CCDC178: variants seen among roughly 807,000 people sequenced by gnomAD.
CCDC178 encodes coiled-coil domain-containing protein 178.
Under a neutral mutation model 117.4 loss-of-function variants are expected in CCDC178, and 126 were observed. The observed-to-expected ratio is 1.07, with a 90% CI of 0.93 to 1.24. CCDC178 has a LOEUF of 1.24. Among genes scored for constraint, CCDC178 ranks in the 50% most tolerant of loss-of-function variants. The probability of loss-of-function intolerance (pLI) is 0.00; values close to 1 mark genes in which losing one functional copy is unlikely to be tolerated. For synonymous variants in CCDC178, 283 were observed against 313.4 expected (o/e 0.90, Z 1.02); for missense variants, 1,030 against 986.9 (o/e 1.04, Z -0.59).
rs754051988 is a variant in CCDC178, at chr18:33,077,118, C to T, written c.2388+15643G>A. Among the ~76,000 whole-genome samples, 116 of 152,244 alleles carry T rather than the reference C, an allele frequency of 7.6e-4. 1 individual carries two copies. The Middle Eastern group carries it at 0.02, about 27-fold the overall frequency. On this transcript the variant is annotated intron_variant, in intron 21 of 22. Transcript: ENST00000383096. ...TTCATGCCCAATATCACAGGTATTA[C>T]AAGATATTTATAATTGAAATACTTT... is the stretch of plus-strand genomic sequence containing the variant.
chr18:33,260,586 CT>C (rs2059732795), intron 14 of CCDC178, among the ~76,000 whole-genome samples: 1 of 151,500 alleles, frequency 6.6e-6, no homozygotes, highest in African/African-American at 2.4e-5. Flanking sequence ...TTTTCTCTGT[CT>C]TAATGGAATG....
At chr18:33,377,880 G>T (rs1337184235) in intron 5 of CCDC178, among the ~76,000 whole-genome samples, 1 of 152,090 alleles carries the variant, frequency 6.6e-6, no homozygotes, top group Admixed American at 6.6e-5. Flanking sequence ...GTACAATGAT[G>T]CCTCCAGCTT....
chr18:33,381,345 G>T (rs1328350161), intron 5 of CCDC178, among the ~76,000 whole-genome samples: 1 of 152,040 alleles, frequency 6.6e-6, no homozygotes, highest in East Asian at 1.9e-4. Context: ...CTCAGACTTT[G>T]TAAGCAAAGA....
intron 11 of CCDC178, among the ~76,000 whole-genome samples, chr18:33,299,956 G>A (rs888619181): frequency 6.6e-6 from 1 of 152,160 alleles, no homozygotes; most frequent in African/African-American, 2.4e-5. Context: ...TGTTGATATA[G>A]GTTGGATATT....
At chr18:33,406,580 T>C (rs72942646) in intron 3 of CCDC178, among the ~76,000 whole-genome samples, 17,776 of 152,002 alleles carry the variant, frequency 0.12, 1,218 homozygotes, top group East Asian at 0.19. Context: ...CTAATAAAGA[T>C]TGAAAGGATA....
intron 5 of CCDC178, among the ~76,000 whole-genome samples, chr18:33,371,784 TACACACAC>T (rs146013235): frequency 0.094 from 13,561 of 144,274 alleles, 789 homozygotes; most frequent in Non-Finnish European, 0.14. Context: ...TAAACATATA[TACACACAC>T]ACACACACAC....
intron 20 of CCDC178, among the ~76,000 whole-genome samples, chr18:33,095,757 C>T (rs992288474): frequency 2.0e-5 from 3 of 151,554 alleles, no homozygotes; most frequent in Non-Finnish European, 4.4e-5. Flanking sequence ...TGATACTGTA[C>T]TACTTGAGAG....
intron 21 of CCDC178, among the ~76,000 whole-genome samples, chr18:33,018,851 A>G (rs1257411630): frequency 1.3e-5 from 2 of 152,124 alleles, no homozygotes; most frequent in Non-Finnish European, 2.9e-5. Context: ...AAAATCATGG[A>G]AATGTATACT....
At chr18:33,080,862 A>T (rs1389884455) in intron 21 of CCDC178, among the ~76,000 whole-genome samples, 2 of 152,246 alleles carry the variant, frequency 1.3e-5, no homozygotes, top group Non-Finnish European at 2.9e-5. Context: ...ACTGCCACAC[A>T]GAAAAGTAAA....
intron 22 of CCDC178, among the ~76,000 whole-genome samples, chr18:32,972,726 G>A (rs1001937900): frequency 2.0e-5 from 3 of 152,086 alleles, no homozygotes; most frequent in African/African-American, 7.2e-5. Context: ...CTGAAGCAGA[G>A]AGAAGATGAA....
chr18:33,149,991 T>C lies in CCDC178; in HGVS notation c.2239-57081A>G, dbSNP rs190841987. Among the ~76,000 whole-genome samples the C allele has an allele frequency of 1.1e-3, 163 of 152,264 alleles. 1 individual carries two copies. The highest frequency in any genetic ancestry group is 8.7e-3 in the East Asian group (45 of 5,184). ...TATCACATTACCTGACTTCAAATTA[T>C]ACTACAGGGCTATAGTACCAAAACA... is the stretch of plus-strand genomic sequence containing the variant. On this transcript the variant is annotated intron_variant, in intron 20 of 22. Coordinates refer to ENST00000383096, the MANE Select transcript of CCDC178 (RefSeq NM_001105528.4).
chr18:33,159,679 C>T (rs961483677), intron 20 of CCDC178, among the ~76,000 whole-genome samples: 1 of 152,144 alleles, frequency 6.6e-6, no homozygotes, highest in African/African-American at 2.4e-5. Context: ...AATTTAATCA[C>T]ATCTTTAGAG....
At chr18:33,315,642 G>A (rs959957123) in intron 11 of CCDC178, among the ~76,000 whole-genome samples, 1 of 152,110 alleles carries the variant, frequency 6.6e-6, no homozygotes, top group African/African-American at 2.4e-5. Flanking sequence ...TCCTCTAACA[G>A]GCCCCATATT....
chr18:33,024,727 T>C (rs904885475), intron 21 of CCDC178, among the ~76,000 whole-genome samples: 1 of 151,776 alleles, frequency 6.6e-6, no homozygotes, highest in African/African-American at 2.4e-5. Flanking sequence ...CACTGCAAGC[T>C]CCACCTCCCG....
chr18:33,329,070 TTTC>T (rs1356593693), intron 10 of CCDC178, among the ~76,000 whole-genome samples: 6 of 152,116 alleles, frequency 3.9e-5, no homozygotes, highest in Admixed American at 2.0e-4. Context: ...ATGGAATTGT[TTTC>T]TTAATTTTTT....
At position 33,297,242 on chromosome 18, in the gene CCDC178, G is replaced by A. The variant is rs149841137; in HGVS notation, c.1023-3930C>T. Reference sequence around the variant, plus strand: ...AAATGACTATAGCAAAAACTAGAGCGATTTAAAATAACCTGCTGATGCACT... The same window carrying A: ...AAATGACTATAGCAAAAACTAGAGCAATTTAAAATAACCTGCTGATGCACT... On this transcript the variant is annotated intron_variant, in intron 11 of 22. Coordinates refer to ENST00000383096, the MANE Select transcript of CCDC178 (RefSeq NM_001105528.4). 1.6e-3 allele frequency among the ~76,000 whole-genome samples: 246 copies of A among 152,086 alleles called. 2 individuals carry two copies. Among genetic ancestry groups the A allele is most frequent in the Middle Eastern group, 3.4e-3 (1 of 294 alleles).
intron 21 of CCDC178, among the ~76,000 whole-genome samples, chr18:33,036,933 ATATAAATTAT>A (rs1221893073): frequency 6.6e-6 from 1 of 151,926 alleles, no homozygotes; most frequent in Non-Finnish European, 1.5e-5. Flanking sequence ...CTGGTTTAGG[ATATAAATTAT>A]ATGGACTTGA....
At position 33,314,234 on chromosome 18, in the gene CCDC178, G is replaced by T. The variant is rs370899220; in HGVS notation, c.1022+9257C>A. Among the ~76,000 whole-genome samples, 58 of 81,534 alleles carry T rather than the reference G, an allele frequency of 7.1e-4. 1 individual carries two copies. The Middle Eastern group carries it at 0.034, about 48-fold the overall frequency. 53.5% of individuals were successfully genotyped at this position (81,534 alleles called of 152,430 possible). ...AAAAAAAAAAAAAAAAAAAAAAAAA[G>T]AAATTGTGCCTAGATTCAGGCTGCC... On this transcript the variant is annotated intron_variant, in intron 11 of 22. Coordinates refer to ENST00000383096, the MANE Select transcript of CCDC178 (RefSeq NM_001105528.4).
chr18:33,005,243 G>T (rs1456609516), intron 21 of CCDC178, among the ~76,000 whole-genome samples: 1 of 152,034 alleles, frequency 6.6e-6, no homozygotes, highest in Non-Finnish European at 1.5e-5. Context: ...ATTGGATAAA[G>T]AAAATGTAGT....
Sources: gnomAD v4.1 joint callset for allele counts (sites outside exome capture counted in the v4.1 genomes callset) on GRCh38, gnomAD v4.1.1 for gene constraint, MANE v1.5 for transcripts, NCBI Gene and HGNC (gene_info 2026-07-23, HGNC 2026-07-21) for gene names.